Variants in RPS6KA2 observed in about 807,000 individuals in gnomAD.
RPS6KA2 encodes ribosomal protein S6 kinase A2.
Under a neutral mutation model 91.8 loss-of-function variants are expected in RPS6KA2, and 42 were observed. The observed-to-expected ratio is 0.46, with a 90% CI of 0.36 to 0.59. The LOEUF (loss-of-function observed/expected upper bound fraction) is 0.59, where lower values mean the gene tolerates loss of function less well. RPS6KA2 is among the 20% of genes least tolerant of loss of function. RPS6KA2 has a pLI of 0.00. For synonymous variants in RPS6KA2, 414 were observed against 393.6 expected, an observed-to-expected ratio of 1.05 and a Z score of -0.61; for missense variants, 798 against 978.5, an observed-to-expected ratio of 0.82 and a Z score of 2.46.
At chr6:166,778,485 G>A (rs1168574230) in intron 2 of RPS6KA2, among the ~76,000 whole-genome samples, 1 of 152,172 alleles carries the variant, frequency 6.6e-6, no homozygotes, top group East Asian at 1.9e-4. Context: ...TGTTTTTTAG[G>A]CTGGGCATGG....
intron 2 of RPS6KA2, among the ~76,000 whole-genome samples, chr6:166,683,068 C>T (rs1305725418): frequency 1.3e-5 from 2 of 152,180 alleles, no homozygotes; most frequent in Non-Finnish European, 2.9e-5. Context: ...TGAAGCCCAG[C>T]CTGAGACCAC....
rs961673069 is a variant in RPS6KA2 at position 166,445,335 on chromosome 6, T to C, written c.1332+3389A>G. On this transcript the variant is annotated intron_variant, in intron 14 of 20. Transcript: ENST00000265678. This position sits in a 1 kb window ranked among gnomAD's most constrained non-coding sequence, Gnocchi z 4.5. Reference sequence around the variant, plus strand: ...CAGAAACTCAATGAAGAAGAAAAACTCCATCCCCATCTCCAAAATATCAAC... The same window carrying C: ...CAGAAACTCAATGAAGAAGAAAAACCCCATCCCCATCTCCAAAATATCAAC... Among the ~76,000 whole-genome samples, 3 of 152,108 alleles carry C rather than the reference T, an allele frequency of 2.0e-5. No individual in the cohort carries two copies. Among genetic ancestry groups the C allele is most frequent in the South Asian group, 2.1e-4 (1 of 4,822 alleles).
At position 166,410,629 on chromosome 6, in the gene RPS6KA2, T is replaced by C. The variant is rs895773269; in HGVS notation, c.*2133A>G. 2.0e-5 allele frequency: 3 copies of C among 152,062 alleles called. No homozygotes were observed. The highest frequency in any genetic ancestry group is 7.2e-5 in the African/African-American group (3 of 41,396). 9.4% of individuals were successfully genotyped at this position (152,062 alleles called of 1,614,324 possible). A position where few individuals can be genotyped will look rare whatever the true frequency, so the allele number is the denominator to read the frequency against. Reference sequence around the variant, plus strand: ...TCTTAGAGTTCAGAAGCTAAGTCTGTACAAACTGGGATGACTGAAAAAGAC... The same window carrying C: ...TCTTAGAGTTCAGAAGCTAAGTCTGCACAAACTGGGATGACTGAAAAAGAC... On this transcript the variant is annotated 3_prime_UTR_variant, in exon 21 of 21. Transcript: ENST00000265678.
At position 166,410,289 on chromosome 6, in the gene RPS6KA2, C is replaced by A. The variant is rs557823007; in HGVS notation, c.*2473G>T. On this transcript the variant is annotated 3_prime_UTR_variant, in exon 21 of 21. Transcript: ENST00000265678. Reference sequence around the variant, plus strand: ...GAGCATTTCATTCGTTGTGGAGGTGCGCTGAGCTGGCAAAATGCGAATTCT... The same window carrying A: ...GAGCATTTCATTCGTTGTGGAGGTGAGCTGAGCTGGCAAAATGCGAATTCT... 1 of 152,202 alleles carries A rather than the reference C, an allele frequency of 6.6e-6. No homozygotes were observed. The highest frequency in any genetic ancestry group is 1.5e-5 in the Non-Finnish European group (1 of 68,034). 9.4% of individuals were successfully genotyped at this position (152,202 alleles called of 1,614,324 possible).
At chr6:166,521,350 G>C (rs1052050401) in intron 3 of RPS6KA2, among the ~76,000 whole-genome samples, 7 of 152,228 alleles carry the variant, frequency 4.6e-5, no homozygotes, top group African/African-American at 7.2e-5. Flanking sequence ...CTCCGGGGCA[G>C]AACCGCCAAC....
chr6:166,594,271 A>G (rs1256233199), intron 1 of RPS6KA2, among the ~76,000 whole-genome samples: 1 of 152,236 alleles, frequency 6.6e-6, no homozygotes, highest in Non-Finnish European at 1.5e-5. Context: ...AGAAAGAATC[A>G]GAGGAAATCA....
At chr6:166,498,792 AC>A in intron 7 of RPS6KA2, 142 bp from the exon 8 acceptor site, 1 of 1,090,796 alleles carries the variant, frequency 9.2e-7, no homozygotes. Context: ...CAAAAGCGGG[AC>A]CATGTGAGTG....
At chr6:166,551,281 G>A (rs1209435888) in intron 1 of RPS6KA2, among the ~76,000 whole-genome samples, 1 of 152,162 alleles carries the variant, frequency 6.6e-6, no homozygotes, top group Non-Finnish European at 1.5e-5. Context: ...AGATAATTGG[G>A]GCAATGGAAG....
At chr6:166,422,627 C>T (rs1246985622) in intron 17 of RPS6KA2, among the ~76,000 whole-genome samples, 1 of 152,196 alleles carries the variant, frequency 6.6e-6, no homozygotes, top group African/African-American at 2.4e-5. Flanking sequence ...TCCTTGAATT[C>T]AGAACCTAAT....
At chr6:166,654,032 C>G (rs1787937559) in intron 2 of RPS6KA2, among the ~76,000 whole-genome samples, 1 of 152,224 alleles carries the variant, frequency 6.6e-6, no homozygotes, top group South Asian at 2.1e-4. Flanking sequence ...AACTGTGAAA[C>G]TAGGGAAGAC....
At chr6:166,627,318 G>T, upstream of RPS6KA2, 2 of 765,886 alleles carry the variant, frequency 2.6e-6, no homozygotes, top group Non-Finnish European at 3.2e-6. Context: ...AGCGCCCGCC[G>T]CTCCGCGCCC....
intron 12 of RPS6KA2, among the ~76,000 whole-genome samples, chr6:166,454,958 A>G (rs1006073932): frequency 2.6e-5 from 4 of 150,978 alleles, no homozygotes; most frequent in African/African-American, 9.7e-5. Flanking sequence ...TTTATAATAT[A>G]TGAAAATATA....
chr6:166,676,480 C>T (rs968393489), intron 2 of RPS6KA2, among the ~76,000 whole-genome samples: 5 of 152,184 alleles, frequency 3.3e-5, no homozygotes, highest in Admixed American at 6.5e-5. Context: ...CCACGCCTCA[C>T]CCTCTAGCGG....
intron 1 of RPS6KA2, among the ~76,000 whole-genome samples, chr6:166,604,083 T>C (rs901174552): frequency 3.3e-5 from 5 of 152,176 alleles, no homozygotes; most frequent in Non-Finnish European, 7.3e-5. Flanking sequence ...TAACCCTCCA[T>C]GGAAAAGCTC....
rs563438769 is a variant in RPS6KA2, at chr6:166,642,789, G to A, written c.124-104005C>T. Among the ~76,000 whole-genome samples, 63 of 152,336 alleles carry A rather than the reference G, an allele frequency of 4.1e-4. 1 individual carries two copies. In the South Asian group the frequency reaches 0.012, roughly 29 times the overall value. ...ATACCAACTGTTGGGAAGGGCCACCGCCATGGGTCCTGAGCGTCACTGCAC... is the reference window on the plus strand; with the variant it reads ...ATACCAACTGTTGGGAAGGGCCACCACCATGGGTCCTGAGCGTCACTGCAC... On this transcript the variant is annotated intron_variant, in intron 2 of 21. Transcript: ENST00000503859.
chr6:166,419,938 A>G lies in RPS6KA2; in HGVS notation c.1764T>C (p.Tyr588=). 1 of 1,613,944 alleles carries G rather than the reference A, an allele frequency of 6.2e-7. No homozygotes were observed. The highest frequency in any genetic ancestry group is 2.2e-5 in the East Asian group (1 of 44,864). ...AACTCCAGATGTCACACGCCGCATCATAGCCTTGACGCTTCAGGACCTAGG... is the reference window on the plus strand; with the variant it reads ...AACTCCAGATGTCACACGCCGCATCGTAGCCTTGACGCTTCAGGACCTAGG... ...VAPEVLKRQG[Y]DAACDIWSLG... The change falls in exon 18 of 21, where the codon TAT becomes TAC. Residue 588 remains tyrosine (Y), a synonymous_variant. Transcript: ENST00000265678. This position sits in a 1 kb window ranked among gnomAD's most constrained non-coding sequence, Gnocchi z 5.6.
At chr6:166,531,426 G>A in intron 2 of RPS6KA2, 113 bp from the exon 3 acceptor site, 1 of 793,804 alleles carries the variant, frequency 1.3e-6, no homozygotes, top group South Asian at 1.5e-5. Context: ...AATAAAACAA[G>A]TACACTGGTG....
chr6:166,804,483 A>C (rs1262474876), intron 2 of RPS6KA2, among the ~76,000 whole-genome samples: 1 of 152,034 alleles, frequency 6.6e-6, no homozygotes, highest in East Asian at 1.9e-4. Context: ...CAACTAGACT[A>C]ACAAGACATA....
chr6:166,416,181 C>T (rs1037511773), intron 19 of RPS6KA2, among the ~76,000 whole-genome samples: 1 of 152,118 alleles, frequency 6.6e-6, no homozygotes, highest in South Asian at 2.1e-4. Flanking sequence ...CCATCACCCT[C>T]GCCATCCTTT....
Sources: gnomAD v4.1 joint callset for allele counts (sites outside exome capture counted in the v4.1 genomes callset) on GRCh38, gnomAD v4.1.1 for gene constraint, Gnocchi (gnomAD v3.1) non-coding constraint, MANE v1.5 for transcripts, NCBI Gene and HGNC (gene_info 2026-07-23, HGNC 2026-07-21) for gene names.